SLC7A14: variants seen among roughly 807,000 people sequenced by gnomAD.
The protein encoded by SLC7A14 is solute carrier family 7 member 14.
In SLC7A14, 37 loss-of-function variants were observed where a neutral mutation model predicts 60.2. The observed-to-expected ratio is 0.61, with a 90% CI of 0.47 to 0.81. The LOEUF is 0.81. Ranked by LOEUF, SLC7A14 falls within the 30% of genes least tolerant of loss-of-function variation. SLC7A14 has a pLI of 0.00. For missense variants in SLC7A14, 886 were observed against 982.7 expected, an observed-to-expected ratio of 0.90 and a Z score of 1.32; for synonymous variants, 399 against 395.8, an observed-to-expected ratio of 1.01 and a Z score of -0.10.
rs114803449 is a variant in SLC7A14 at position 170,513,049 on chromosome 3, G to A, written c.305-11704C>T. Among the ~76,000 whole-genome samples the A allele has an allele frequency of 3.5e-3, 537 of 152,188 alleles. 7 individuals carry two copies. The highest frequency in any genetic ancestry group is 0.012 in the African/African-American group (498 of 41,534). On this transcript the variant is annotated intron_variant, in intron 2 of 7. Transcript: ENST00000231706. ...TGTTCTTCCGAAGAATCTCACCTAC[G>A]TGGTCCTGATGGATTGTTTCTAGCT...
intron 1 of SLC7A14, among the ~76,000 whole-genome samples, chr3:170,569,423 T>C (rs1396323001): frequency 2.0e-5 from 3 of 152,154 alleles, no homozygotes; most frequent in Non-Finnish European, 4.4e-5. Context: ...CAGTATTTTA[T>C]TGAGGATTTT....
rs1055362375 is a variant in SLC7A14 at position 170,556,523 on chromosome 3, ATAGTAGGGTTTT to A, written c.-153+29376_-153+29387del. Among the ~76,000 whole-genome samples the A allele has an allele frequency of 6.6e-5, 10 of 152,216 alleles. No individual in the cohort carries two copies. The East Asian group carries it at 1.7e-3, about 26-fold the overall frequency. ...GATATGTGTAGGGCTCCTTGTAATA[ATAGTAGGGTTTT>A]TAATGGTCACAGCTATTATTGTAAG... is the stretch of plus-strand genomic sequence containing the variant. On this transcript the variant is annotated intron_variant, in intron 1 of 7. Transcript: ENST00000231706.
chr3:170,502,140 C>T (rs967521324), intron 2 of SLC7A14, among the ~76,000 whole-genome samples: 1 of 152,172 alleles, frequency 6.6e-6, no homozygotes, highest in African/African-American at 2.4e-5. Flanking sequence ...GAGGCAAAGA[C>T]ATGGCAGAGA....
chr3:170,467,545 A>G (rs1739754556), intron 7 of SLC7A14, 168 bp from the exon 8 acceptor site: 1 of 564,628 alleles, frequency 1.8e-6, no homozygotes, highest in African/African-American at 1.9e-5. Context: ...TACTTGAATT[A>G]GATGCCTTTT....
At chr3:170,473,660 C>G (rs1332557850) in intron 7 of SLC7A14, among the ~76,000 whole-genome samples, 1 of 152,202 alleles carries the variant, frequency 6.6e-6, no homozygotes, top group Non-Finnish European at 1.5e-5. Context: ...TTCCCACCCC[C>G]ACCTCAACCC....
intron 3 of SLC7A14, among the ~76,000 whole-genome samples, chr3:170,499,740 C>T (rs1308683610): frequency 6.6e-6 from 1 of 152,144 alleles, no homozygotes; most frequent in Non-Finnish European, 1.5e-5. Flanking sequence ...TGCCCAACGG[C>T]CAGTGGACTC....
In SLC7A14 at chr3:170,486,317, T is replaced by G; in HGVS notation, c.811A>C (p.Ile271Leu). The change falls in exon 5 of 8, where the codon ATC becomes CTC. Residue 271 changes from isoleucine to leucine, a missense_variant. Ile to Leu is a conservative substitution (Grantham distance 5). Transcript: ENST00000231706. The part of the protein sequence containing the change: ...CFYAFIGFDI[I>L]ATTGEEAKNP... ...TTGGCTTCCTCTCCAGTGGTGGCGATGATGTCAAAGCCAATGAAAGCGTAG... is the reference window on the plus strand; with the variant it reads ...TTGGCTTCCTCTCCAGTGGTGGCGAGGATGTCAAAGCCAATGAAAGCGTAG... 2 of 1,614,216 alleles carry G rather than the reference T, an allele frequency of 1.2e-6. No individual in the cohort carries two copies. Among genetic ancestry groups the G allele is most frequent in the Non-Finnish European group, 1.7e-6 (2 of 1,180,030 alleles).
rs144242509 is a variant in SLC7A14, at chr3:170,504,319, T to A, written c.305-2974A>T. ...GAAATGGAATTTTATTTTATTTTTTTAATTTTTTTTAAATTTTTTTAGATG... is the reference window on the plus strand; with the variant it reads ...GAAATGGAATTTTATTTTATTTTTTAAATTTTTTTTAAATTTTTTTAGATG... On this transcript the variant is annotated intron_variant, in intron 2 of 7. Transcript: ENST00000231706. 1.8e-3 allele frequency among the ~76,000 whole-genome samples: 271 copies of A among 152,290 alleles called. 1 individual carries two copies. Among genetic ancestry groups the A allele is most frequent in the African/African-American group, 4.9e-3 (204 of 41,546 alleles).
At position 170,561,325 on chromosome 3, in the gene SLC7A14, T is replaced by C. The variant is rs190074394; in HGVS notation, c.-153+24586A>G. Among the ~76,000 whole-genome samples, 23 of 152,350 alleles carry C rather than the reference T, an allele frequency of 1.5e-4. No individual in the cohort carries two copies. In the East Asian group the frequency reaches 4.4e-3, roughly 29 times the overall value. ...CAGACTCCTCAGTCTGGGCAATTGC[T>C]GTGTGTGCATCTTCGTACAAAATAT... On this transcript the variant is annotated intron_variant, in intron 1 of 7. Transcript: ENST00000231706.
At chr3:170,486,472 G>A in intron 4 of SLC7A14, 104 bp from the exon 5 acceptor site, 1 of 1,419,876 alleles carries the variant, frequency 7.0e-7, no homozygotes, top group African/African-American at 1.4e-5. Flanking sequence ...ATGACTGAGT[G>A]GCTGAGGGAG....
At chr3:170,510,836 A>G (rs1712957889) in intron 2 of SLC7A14, among the ~76,000 whole-genome samples, 1 of 152,330 alleles carries the variant, frequency 6.6e-6, no homozygotes, top group Non-Finnish European at 1.5e-5. Context: ...GGAAAAAGTC[A>G]CTACAAAAGG....
intron 4 of SLC7A14, among the ~76,000 whole-genome samples, chr3:170,495,176 C>G (rs1381270978): frequency 1.3e-5 from 2 of 152,164 alleles, no homozygotes; most frequent in African/African-American, 2.4e-5. Flanking sequence ...TAAAAACATC[C>G]AAGATTTTGC....
intron 2 of SLC7A14, among the ~76,000 whole-genome samples, chr3:170,526,105 A>G (rs1713488791): frequency 6.6e-6 from 1 of 150,538 alleles, no homozygotes; most frequent in Admixed American, 6.6e-5. Flanking sequence ...AACAAACAAC[A>G]ACAACAAAAA....
At chr3:170,568,536 G>A (rs1284452591) in intron 1 of SLC7A14, among the ~76,000 whole-genome samples, 25 of 151,726 alleles carry the variant, frequency 1.6e-4, no homozygotes, top group East Asian at 7.7e-4. Flanking sequence ...GTTTTTTCCA[G>A]TTCTGTGAAG....
chr3:170,464,828 G>A lies in SLC7A14; in HGVS notation c.*2227C>T, dbSNP rs539811179. On this transcript the variant is annotated 3_prime_UTR_variant, in exon 8 of 8. Coordinates refer to ENST00000231706, the MANE Select transcript of SLC7A14 (RefSeq NM_020949.3). Reference sequence around the variant, plus strand: ...AGTAAAAGGAAGCTCTTTCACCCACGTTAAGATTTTGCCATTTTGCACTCC... The same window carrying A: ...AGTAAAAGGAAGCTCTTTCACCCACATTAAGATTTTGCCATTTTGCACTCC... 6.6e-6 allele frequency: 1 copy of A among 152,242 alleles called. No homozygotes were observed. Among genetic ancestry groups the A allele is most frequent in the Non-Finnish European group, 1.5e-5 (1 of 68,014 alleles). The allele number at this position is 152,242 out of a possible 1,614,324, so 9.4% of individuals were successfully genotyped here.
At position 170,526,972 on chromosome 3, in the gene SLC7A14, T is replaced by C. The variant is rs750334352; in HGVS notation, c.-36A>G. 1 of 1,584,038 alleles carries C rather than the reference T, an allele frequency of 6.3e-7. No individual in the cohort carries two copies. Among genetic ancestry groups the C allele is most frequent in the Non-Finnish European group, 8.6e-7 (1 of 1,165,382 alleles). On this transcript the variant is annotated 5_prime_UTR_variant, in exon 2 of 8. Coordinates refer to ENST00000231706, the MANE Select transcript of SLC7A14 (RefSeq NM_020949.3). ...AGGGGATGCAGTGAAGGTCAGCTGA[T>C]GGAAGGGGGCTACAAAGCCTTAGTG...
At chr3:170,502,221 C>G (rs1205379670) in intron 2 of SLC7A14, among the ~76,000 whole-genome samples, 1 of 152,156 alleles carries the variant, frequency 6.6e-6, no homozygotes, top group Non-Finnish European at 1.5e-5. Context: ...CGCTGGCCAG[C>G]TAAGCAGAGC....
chr3:170,566,880 G>C lies in SLC7A14; in HGVS notation c.-153+19031C>G, dbSNP rs558645830. On this transcript the variant is annotated intron_variant, in intron 1 of 7. Transcript: ENST00000231706. ...AAACAAACCCCAAAGCAAGACTTTT[G>C]CTTTAACATTTAAAGCGAAGTTGAA... Among the ~76,000 whole-genome samples the C allele has an allele frequency of 1.1e-4, 17 of 151,954 alleles. No individual in the cohort carries two copies. In the South Asian group the frequency reaches 3.5e-3, roughly 32 times the overall value.
At chr3:170,485,376 A>G (rs377306188) in intron 5 of SLC7A14, among the ~76,000 whole-genome samples, 1 of 152,206 alleles carries the variant, frequency 6.6e-6, no homozygotes, top group African/African-American at 2.4e-5. Flanking sequence ...AGCAGGGCTG[A>G]TCAGCAGCAG....
Sources: gnomAD v4.1 joint callset for allele counts (sites outside exome capture counted in the v4.1 genomes callset) on GRCh38, gnomAD v4.1.1 for gene constraint, MANE v1.5 for transcripts, NCBI Gene and HGNC (gene_info 2026-07-23, HGNC 2026-07-21) for gene names.